The following SPHKAP variants were observed in gnomAD, a reference collection of about 807,000 sequenced individuals.
The protein encoded by SPHKAP is SPHK1 interactor, AKAP domain containing.
A neutral mutation model predicts 137.5 loss-of-function variants in SPHKAP; 67 were observed. The observed-to-expected ratio is 0.49, with a 90% CI of 0.40 to 0.60. The LOEUF (loss-of-function observed/expected upper bound fraction) is 0.60, where lower values mean the gene tolerates loss of function less well. Ranked by LOEUF, SPHKAP falls within the 20% of genes least tolerant of loss-of-function variation. The pLI is 0.00. For synonymous variants in SPHKAP, 813 were observed against 785.3 expected (o/e 1.04, Z -0.59); for missense variants, 2,097 against 2,069.3 (o/e 1.01, Z -0.26).
intron 3 of SPHKAP, among the ~76,000 whole-genome samples, chr2:228,086,892 T>G (rs1697556054): frequency 6.6e-6 from 1 of 152,130 alleles, no homozygotes; most frequent in Admixed American, 6.5e-5. Flanking sequence ...AACCAGGGAA[T>G]GAAACAGCTA....
rs746053623 is a variant in SPHKAP, at chr2:228,016,609, G to T, written c.4245C>A (p.Asn1415Lys). Residue 1415 changes from asparagine (N) to lysine (K), a missense_variant, in exon 7 of 12, where the codon AAC becomes AAA. Coordinates refer to ENST00000392056, the MANE Select transcript of SPHKAP (RefSeq NM_001142644.2). ...TCGAGCAAAGTGATCGCCTTTTGTG[G>T]TTTATTGGTACAGGGTCCTGGCACG... ...TSSCQDPVPINHKRRSLCSRE... is the reference protein window; with the variant it reads ...TSSCQDPVPIKHKRRSLCSRE... 2 of 1,613,928 alleles carry T rather than the reference G, an allele frequency of 1.2e-6. No individual in the cohort carries two copies. The highest frequency in any genetic ancestry group is 1.7e-6 in the Non-Finnish European group (2 of 1,179,972).
intron 3 of SPHKAP, among the ~76,000 whole-genome samples, chr2:228,030,543 C>CA (rs1553615001): frequency 0.33 from 25,923 of 78,468 alleles, 2,434 homozygotes; most frequent in African/African-American, 0.37. Context: ...CAACAAAAAA[C>CA]AAAAAAAAAA....
chr2:228,022,047 A>T, intron 5 of SPHKAP, 81 bp from the exon 6 acceptor site: 1 of 1,462,542 alleles, frequency 6.8e-7, no homozygotes, highest in Non-Finnish European at 9.0e-7. Context: ...TTTTCCACCA[A>T]GCTCTCCTGT....
At position 228,132,012 on chromosome 2, in the gene SPHKAP, C is replaced by A. The variant is rs200749427; in HGVS notation, c.106G>T (p.Gly36Cys). Residue 36 changes from glycine (G) to cysteine (C), a missense_variant, in exon 2 of 12, where the codon GGC becomes TGC. Gly to Cys is a radical substitution (Grantham distance 159). Coordinates refer to ENST00000392056, the MANE Select transcript of SPHKAP (RefSeq NM_001142644.2). ...QGRGCGSSGS[G>C]PGNSITACKK... ...CAGGCTGTGATGGAGTTCCCCGGGC[C>A]GCTTCCTGAGCTGCCACAGCCTCTG... 6.2e-6 allele frequency: 10 copies of A among 1,613,902 alleles called. No individual in the cohort carries two copies. In the East Asian group the frequency reaches 6.7e-5, roughly 11 times the overall value.
rs1261211409 is a variant in SPHKAP at position 228,057,517 on chromosome 2, A to C, written c.247-29974T>G. The stretch of plus-strand genomic sequence containing the variant: ...CTTCAGGGGGTGTGTGCCAGAGGAC[A>C]CTGAACGCAAAAAAGAGGAGAGGAG... On this transcript the variant is annotated intron_variant, in intron 3 of 11. Transcript: ENST00000392056. 2.6e-5 allele frequency among the ~76,000 whole-genome samples: 4 copies of C among 152,122 alleles called. No homozygotes were observed. The East Asian group carries it at 7.7e-4, about 29-fold the overall frequency.
chr2:228,173,026 T>G (rs1490237133), intron 1 of SPHKAP: 2 of 985,258 alleles, frequency 2.0e-6, no homozygotes, highest in African/African-American at 3.5e-5. Context: ...AATAAACATG[T>G]GCCAAAGAGT....
rs765653078 is a variant in SPHKAP at position 228,017,182 on chromosome 2, C to G, written c.3672G>C (p.Leu1224=). Residue 1224 remains leucine (L), a synonymous_variant, in exon 7 of 12, where the codon CTG becomes CTC. Transcript: ENST00000392056. ...ACACTGGGGATCGCAGAGAAGGAGA[C>G]AGCAGGCCGGCTGTCCAATCCTGGC... ...RSSQDWTAGL[L]SPSLRSPVCH... 2.5e-6 allele frequency: 4 copies of G among 1,613,858 alleles called. No homozygotes were observed. The South Asian group carries it at 4.4e-5, about 18-fold the overall frequency.
Position 228,016,500 on chromosome 2 carries a change from G to T in SPHKAP, c.4354C>A (p.Leu1452Ile). 6.2e-7 allele frequency: 1 copy of T among 1,614,018 alleles called. No homozygotes were observed. The highest frequency in any genetic ancestry group is 8.5e-7 in the Non-Finnish European group (1 of 1,180,000). ...GAATGCCCTTCTGCTTCCTCTAGGA[G>T]GCTGCTTTTGGAAAGGAAGGGTTCA... Reference protein sequence around the residue: ...EPEPFLSKSSLLEEAEGHSND... With the variant: ...EPEPFLSKSSILEEAEGHSND... Residue 1452 changes from leucine (L) to isoleucine (I), a missense_variant, in exon 7 of 12, where the codon CTC becomes ATC. By Grantham distance (5) the Leu-to-Ile change is conservative. Coordinates refer to ENST00000392056, the MANE Select transcript of SPHKAP (RefSeq NM_001142644.2).
intron 11 of SPHKAP, among the ~76,000 whole-genome samples, chr2:227,989,411 C>CA (rs545822625): frequency 5.3e-5 from 8 of 152,104 alleles, no homozygotes; most frequent in Admixed American, 1.3e-4. Flanking sequence ...CACTTTGTGA[C>CA]AATAAGACAT....
chr2:228,078,380 C>CGT (rs1491221427), intron 3 of SPHKAP, among the ~76,000 whole-genome samples: 31 of 128,200 alleles, frequency 2.4e-4, no homozygotes, highest in African/African-American at 8.0e-4. Flanking sequence ...TGTTGGCAGA[C>CGT]TTTTTTTTTT....
chr2:227,990,751 A>T (rs1693382535), intron 11 of SPHKAP, among the ~76,000 whole-genome samples: 1 of 152,224 alleles, frequency 6.6e-6, no homozygotes, highest in Non-Finnish European at 1.5e-5. Context: ...ACTCTAAAAA[A>T]GTTCCCATCC....
intron 7 of SPHKAP, among the ~76,000 whole-genome samples, chr2:228,013,936 A>G (rs1694474583): frequency 6.6e-6 from 1 of 152,146 alleles, no homozygotes; most frequent in African/African-American, 2.4e-5. Context: ...TTGGTGGAAA[A>G]CCAAACCAGA....
chr2:228,021,789 A>G lies in SPHKAP; in HGVS notation c.619T>C (p.Leu207=). The G allele has an allele frequency of 6.2e-7, 1 of 1,614,208 alleles. No individual in the cohort carries two copies. Among genetic ancestry groups the G allele is most frequent in the Non-Finnish European group, 8.5e-7 (1 of 1,180,022 alleles). Residue 207 remains leucine, a synonymous_variant, in exon 6 of 12, where the codon TTA becomes CTA. Coordinates refer to ENST00000392056, the MANE Select transcript of SPHKAP (RefSeq NM_001142644.2). ...AGAAAGTCTTCCTCGATTGAAGATA[A>G]GGAACAGTTCGTGTCATCCTCCAGT... ...LKLEDDTNCS[L]SSIEEDFLTA...
At chr2:228,152,397 C>T (rs1699962546) in intron 1 of SPHKAP, among the ~76,000 whole-genome samples, 1 of 152,118 alleles carries the variant, frequency 6.6e-6, no homozygotes, top group African/African-American at 2.4e-5. Flanking sequence ...TTATTTCTAG[C>T]AATGTCTTTC....
chr2:227,988,673 T>C (rs1021311065), intron 11 of SPHKAP, among the ~76,000 whole-genome samples: 4 of 152,082 alleles, frequency 2.6e-5, no homozygotes, highest in African/African-American at 9.7e-5. Context: ...GGAGATAGAG[T>C]TGGAACCAGC....
chr2:227,986,479 C>T (rs901827641), intron 11 of SPHKAP, among the ~76,000 whole-genome samples: 1 of 152,010 alleles, frequency 6.6e-6, no homozygotes, highest in Non-Finnish European at 1.5e-5. Context: ...GTATACTGGT[C>T]GGGTGATGGG....
intron 3 of SPHKAP, among the ~76,000 whole-genome samples, chr2:228,103,177 C>G (rs1302534845): frequency 6.6e-6 from 1 of 152,190 alleles, no homozygotes; most frequent in African/African-American, 2.4e-5. Context: ...TGCTTTTCCC[C>G]CAACCCCCCA....
chr2:228,159,369 GC>G (rs1244353357), intron 1 of SPHKAP, among the ~76,000 whole-genome samples: 1 of 152,096 alleles, frequency 6.6e-6, no homozygotes, highest in African/African-American at 2.4e-5. Context: ...TTGTTAACTG[GC>G]CTTATCTAAA....
At chr2:228,150,345 C>T (rs1232714155) in intron 1 of SPHKAP, among the ~76,000 whole-genome samples, 1 of 152,124 alleles carries the variant, frequency 6.6e-6, no homozygotes, top group Non-Finnish European at 1.5e-5. Context: ...AATTTGTATA[C>T]TATTGGAATT....
Sources: allele counts gnomAD v4.1 joint callset (sites outside exome capture counted in the v4.1 genomes callset), GRCh38; gene constraint gnomAD v4.1.1; transcripts MANE v1.5; gene names NCBI Gene and HGNC (gene_info 2026-07-23, HGNC 2026-07-21).